FSTL4: variants seen among roughly 807,000 people sequenced by gnomAD.
FSTL4 encodes the protein follistatin-related protein 4.
In FSTL4, 28 loss-of-function variants were observed where a neutral mutation model predicts 78.2. The ratio of observed to expected loss-of-function variants is 0.36; its 90% CI spans 0.27 to 0.49. The LOEUF (loss-of-function observed/expected upper bound fraction) is 0.49. FSTL4 is among the 20% of genes least tolerant of loss of function. FSTL4 has a pLI of 0.98. For synonymous variants in FSTL4, 422 were observed against 440.5 expected (o/e 0.96, Z 0.53); for missense variants, 922 against 1,084.9 (o/e 0.85, Z 2.11).
At chr5:133,789,225 T>C in the FSTL4 span, among the ~76,000 whole-genome samples, 1 of 152,194 alleles carries the variant, frequency 6.6e-6, no homozygotes, top group African/African-American at 2.4e-5. Context: ...TTCATTCATG[T>C]TCTAAATCTG....
intron 4 of FSTL4, among the ~76,000 whole-genome samples, chr5:133,379,843 G>A (rs550087342): frequency 1.4e-4 from 22 of 152,296 alleles, no homozygotes; most frequent in Admixed American, 3.3e-4. Context: ...TTGGGAGGCT[G>A]AGGCAGGCGG....
the FSTL4 span, among the ~76,000 whole-genome samples, chr5:133,758,358 T>G: frequency 6.6e-6 from 1 of 152,100 alleles, no homozygotes; most frequent in Non-Finnish European, 1.5e-5. Flanking sequence ...ATTCACAATA[T>G]CAACAAAAAA....
At chr5:133,462,319 C>G (rs1486324525) in intron 3 of FSTL4, among the ~76,000 whole-genome samples, 1 of 152,268 alleles carries the variant, frequency 6.6e-6, no homozygotes, top group South Asian at 2.1e-4. Flanking sequence ...CTCCCTCTCC[C>G]CACACCCTGG....
chr5:133,204,567 C>T (rs1750431971), intron 14 of FSTL4, among the ~76,000 whole-genome samples: 1 of 152,130 alleles, frequency 6.6e-6, no homozygotes, highest in Non-Finnish European at 1.5e-5. Flanking sequence ...CATGGTGGCT[C>T]ACACCTGTAA....
chr5:133,323,082 G>T (rs960599466), intron 4 of FSTL4, among the ~76,000 whole-genome samples: 1 of 152,162 alleles, frequency 6.6e-6, no homozygotes, highest in Non-Finnish European at 1.5e-5. Context: ...TAACAACCTT[G>T]TCTAAGGTCT....
At chr5:133,507,455 A>G (rs1285264407) in intron 3 of FSTL4, among the ~76,000 whole-genome samples, 3 of 151,752 alleles carry the variant, frequency 2.0e-5, no homozygotes, top group Admixed American at 1.3e-4. Flanking sequence ...GAAAGTAACT[A>G]CGTACAGTCG....
At chr5:133,839,261 C>A in the FSTL4 span, among the ~76,000 whole-genome samples, 1 of 152,238 alleles carries the variant, frequency 6.6e-6, no homozygotes, top group East Asian at 1.9e-4. Flanking sequence ...TCTAGAAGCC[C>A]AATAAAGAAA....
chr5:133,506,975 G>T (rs1220468207), intron 3 of FSTL4, among the ~76,000 whole-genome samples: 2 of 152,174 alleles, frequency 1.3e-5, no homozygotes. Context: ...ACTTTGGGAG[G>T]CCAAGGTGGA....
chr5:133,425,757 A>G (rs939368477), intron 3 of FSTL4, among the ~76,000 whole-genome samples: 12 of 152,354 alleles, frequency 7.9e-5, no homozygotes, highest in African/African-American at 2.9e-4. Flanking sequence ...CCTGGGACAC[A>G]GCAGAGAATA....
chr5:133,837,887 T>A, the FSTL4 span, among the ~76,000 whole-genome samples: 13 of 151,096 alleles, frequency 8.6e-5, no homozygotes, highest in East Asian at 2.1e-3. Flanking sequence ...TATTTTTATT[T>A]TATATATATA....
chr5:133,217,194 T>G (rs1457764016), intron 13 of FSTL4, 35 bp downstream of exon 13: 1 of 1,580,358 alleles, frequency 6.3e-7, no homozygotes. Context: ...TGCCCCAGAA[T>G]TTGAAGTTTT....
chr5:133,833,151 C>T, the FSTL4 span, among the ~76,000 whole-genome samples: 2 of 152,114 alleles, frequency 1.3e-5, no homozygotes, highest in Non-Finnish European at 2.9e-5. Flanking sequence ...TCCATGAATG[C>T]CTATGAGGAG....
chr5:133,733,255 T>C, the FSTL4 span, among the ~76,000 whole-genome samples: 3 of 152,194 alleles, frequency 2.0e-5, no homozygotes, highest in South Asian at 6.2e-4. Flanking sequence ...GGTAATCTAG[T>C]TTTTCTGACT....
At chr5:133,496,675 G>A (rs920357527) in intron 3 of FSTL4, among the ~76,000 whole-genome samples, 3 of 152,180 alleles carry the variant, frequency 2.0e-5, no homozygotes, top group African/African-American at 4.8e-5. Flanking sequence ...GCGGACACGA[G>A]GACAGTGAGG....
At chr5:133,606,286 A>G (rs1198424947) in intron 1 of FSTL4, among the ~76,000 whole-genome samples, 1 of 151,872 alleles carries the variant, frequency 6.6e-6, no homozygotes, top group Admixed American at 6.6e-5. Flanking sequence ...ATGCCCAGCT[A>G]ATTTTGTATT....
At chr5:133,830,264 T>C in the FSTL4 span, among the ~76,000 whole-genome samples, 6 of 152,208 alleles carry the variant, frequency 3.9e-5, no homozygotes, top group African/African-American at 1.2e-4. Flanking sequence ...AGTTAACCCC[T>C]GGCTGAGCAG....
chr5:133,630,353 A>G, the FSTL4 span, among the ~76,000 whole-genome samples: 8 of 147,020 alleles, frequency 5.4e-5, no homozygotes, highest in Non-Finnish European at 1.2e-4. Context: ...TACACCAATA[A>G]TAGACAGACA....
Position 133,225,524 on chromosome 5 carries a change from A to G in FSTL4, c.1177+134T>C. ...ATCTGTGTGAGCCCAGATAACAGGG[A>G]AATTTGGGAGCCATCTGTTCACTCC... On this transcript the variant is annotated intron_variant, in intron 9 of 15. Transcript: ENST00000265342. The surrounding 1 kb of genome is among the most constrained non-coding windows in gnomAD (Gnocchi z 4.6). The G allele has an allele frequency of 1.1e-6, 1 of 912,848 alleles. No individual in the cohort carries two copies. The highest frequency in any genetic ancestry group is 1.6e-5 in the South Asian group (1 of 61,088). The allele number at this position is 912,848 out of a possible 1,614,324, so 56.5% of individuals were successfully genotyped here.
chr5:133,503,733 T>G (rs1489471359), intron 3 of FSTL4, among the ~76,000 whole-genome samples: 10 of 152,212 alleles, frequency 6.6e-5, no homozygotes, highest in Admixed American at 6.5e-4. Flanking sequence ...CAGCCCAACA[T>G]AGCCAACAGC....
Sources: allele counts gnomAD v4.1 joint callset (sites outside exome capture counted in the v4.1 genomes callset), GRCh38; gene constraint gnomAD v4.1.1; non-coding constraint Gnocchi (gnomAD v3.1); transcripts MANE v1.5; gene names NCBI Gene and HGNC (gene_info 2026-07-23, HGNC 2026-07-21).